The following AMY2B variants were observed in gnomAD, a reference collection of about 807,000 sequenced individuals.
AMY2B encodes the protein alpha-amylase 2B.
Under a neutral mutation model 59.3 loss-of-function variants are expected in AMY2B, and 63 were observed. That is an observed-to-expected ratio of 1.06 (90% CI 0.87 to 1.31). AMY2B has a LOEUF of 1.31. Ranked by LOEUF, AMY2B falls within the 50% of genes most tolerant of loss-of-function variation. The pLI, the probability that AMY2B is intolerant of heterozygous loss-of-function variation, is 0.00. For missense variants in AMY2B, 635 were observed against 626.7 expected (o/e 1.01, Z -0.14); for synonymous variants, 180 against 198.1 (o/e 0.91, Z 0.77).
intron 9 of AMY2B, among the ~76,000 whole-genome samples, chr1:103,578,879 C>T (rs965132621): frequency 2.6e-5 from 4 of 151,246 alleles, no homozygotes; most frequent in African/African-American, 9.7e-5. Context: ...GGAGGGATAG[C>T]ATTGGGAGAT....
chr1:103,556,031 G>A (rs1651536865), intron 1 of AMY2B, among the ~76,000 whole-genome samples: 1 of 152,106 alleles, frequency 6.6e-6, no homozygotes, highest in Non-Finnish European at 1.5e-5. Context: ...GATGTCGGTA[G>A]TTCAGTAAAT....
In AMY2B at chr1:103,555,913, T is replaced by C. The variant is rs530663229; in HGVS notation, c.-207+804T>C. 5.9e-5 allele frequency among the ~76,000 whole-genome samples: 9 copies of C among 152,242 alleles called. No homozygotes were observed. The South Asian group carries it at 1.0e-3, about 18-fold the overall frequency. On this transcript the variant is annotated intron_variant, in intron 1 of 11. Transcript: ENST00000361355. Reference sequence around the variant, plus strand: ...ACATAATGCCGGAAAGAGAGGGATATTGCTGAAGCCATAGACCTGGTATAC... The same window carrying C: ...ACATAATGCCGGAAAGAGAGGGATACTGCTGAAGCCATAGACCTGGTATAC...
chr1:103,573,040 G>A, intron 2 of AMY2B, 23 bp from the exon 3 acceptor site: 4 of 1,612,850 alleles, frequency 2.5e-6, no homozygotes, highest in Non-Finnish European at 3.4e-6. Flanking sequence ...AAGTCACACT[G>A]AAGTAGAAAC....
chr1:103,577,890 C>A, intron 9 of AMY2B, 45 bp downstream of exon 9: 1 of 1,593,090 alleles, frequency 6.3e-7, no homozygotes. Flanking sequence ...CCTGTATGCT[C>A]TTGGTTTATT....
intron 9 of AMY2B, 71 bp from the exon 10 acceptor site, chr1:103,579,240 T>A (rs189705718): frequency 3.7e-6 from 6 of 1,610,434 alleles, no homozygotes; most frequent in East Asian, 4.5e-5. Flanking sequence ...AAAGTTATGC[T>A]GTTTAGTTGT....
chr1:103,576,244 A>G (rs1350456057), intron 7 of AMY2B, among the ~76,000 whole-genome samples: 2 of 152,186 alleles, frequency 1.3e-5, no homozygotes, highest in African/African-American at 4.8e-5. Context: ...TCTAAAGCAG[A>G]AATTCCTCCT....
chr1:103,574,191 A>G, intron 4 of AMY2B, 69 bp from the exon 5 acceptor site: 1 of 1,604,424 alleles, frequency 6.2e-7, no homozygotes, highest in Non-Finnish European at 8.5e-7. Context: ...TTTATATAAT[A>G]TTAACTTATT....
chr1:103,555,105 G>A (rs1443140115), exon 1 of AMY2B: 14 of 151,892 alleles, frequency 9.2e-5, no homozygotes, highest in Admixed American at 2.6e-4. Context: ...CTGGACTATG[G>A]AACTGTGCGT....
intron 1 of AMY2B, among the ~76,000 whole-genome samples, chr1:103,559,780 C>G (rs899536794): frequency 6.6e-6 from 1 of 152,074 alleles, no homozygotes; most frequent in African/African-American, 2.4e-5. Flanking sequence ...AGGCAAAAAT[C>G]AGAGCGATAA....
rs770223638 is a variant in AMY2B at position 103,571,689 on chromosome 1, T to C, written c.87T>C (p.Val29=). 1 of 1,611,850 alleles carries C rather than the reference T, an allele frequency of 6.2e-7. No individual in the cohort carries two copies. Among genetic ancestry groups the C allele is most frequent in the African/African-American group, 1.3e-5 (1 of 74,856 alleles). The part of the protein sequence containing the change: ...PNTQQGRTSI[V]HLFEWRWVDI... ...CACAACAAGGACGGACATCTATTGT[T>C]CATCTGTTTGAATGGCGATGGGTTG... The change falls in exon 1 of 10, where the codon GTT becomes GTC. Residue 29 remains valine, a synonymous_variant. Coordinates refer to ENST00000684275, the MANE Select transcript of AMY2B (RefSeq NM_001387437.1).
chr1:103,563,583 C>G (rs1212782925), intron 1 of AMY2B, among the ~76,000 whole-genome samples: 1 of 152,044 alleles, frequency 6.6e-6, no homozygotes, highest in African/African-American at 2.4e-5. Flanking sequence ...AAATTAAGAT[C>G]AAATGAGAAA....
intron 1 of AMY2B, among the ~76,000 whole-genome samples, chr1:103,557,167 CACACAT>C (rs1323909589): frequency 2.6e-5 from 4 of 152,102 alleles, no homozygotes; most frequent in African/African-American, 7.2e-5. Flanking sequence ...CACACACACA[CACACAT>C]ACATACATAC....
chr1:103,555,477 G>GA (rs1185680060), intron 1 of AMY2B, among the ~76,000 whole-genome samples: 1 of 151,920 alleles, frequency 6.6e-6, no homozygotes, highest in Non-Finnish European at 1.5e-5. Flanking sequence ...GGAAATGGGG[G>GA]TTTATCCCAA....
chr1:103,576,458 A>G (rs1159400342), intron 7 of AMY2B, among the ~76,000 whole-genome samples: 3 of 152,128 alleles, frequency 2.0e-5, no homozygotes, highest in African/African-American at 2.4e-5. Flanking sequence ...TATTTTTTCT[A>G]TCACTATAAC....
At chr1:103,572,740 T>A (rs937851917) in intron 2 of AMY2B, among the ~76,000 whole-genome samples, 1 of 152,162 alleles carries the variant, frequency 6.6e-6, no homozygotes, top group Admixed American at 6.5e-5. Context: ...TGACCGACTG[T>A]AATTTCCAAA....
intron 3 of AMY2B, among the ~76,000 whole-genome samples, 157 bp downstream of exon 3, chr1:103,573,417 A>G (rs1832274): frequency 1.3e-5 from 2 of 152,198 alleles, no homozygotes; most frequent in African/African-American, 4.8e-5. Flanking sequence ...ATCCATATTT[A>G]AAAACTTAAA....
chr1:103,558,649 A>G (rs1651635072), intron 1 of AMY2B, among the ~76,000 whole-genome samples: 3 of 152,122 alleles, frequency 2.0e-5, no homozygotes, highest in East Asian at 1.9e-4. Context: ...TGTAATCCCA[A>G]CAACTTGGGA....
At chr1:103,561,032 CAT>C (rs1651715529) in intron 1 of AMY2B, among the ~76,000 whole-genome samples, 1 of 152,010 alleles carries the variant, frequency 6.6e-6, no homozygotes, top group South Asian at 2.1e-4. Context: ...ATATTTCTAT[CAT>C]GTAGGGTACG....
chr1:103,572,055 C>A (rs1652154956), intron 1 of AMY2B, 55 bp from the exon 2 acceptor site: 1 of 1,607,304 alleles, frequency 6.2e-7, no homozygotes, highest in Non-Finnish European at 8.5e-7. Context: ...GTTTCTAGAA[C>A]ATTCAATGAT....
Sources: allele counts gnomAD v4.1 joint callset (sites outside exome capture counted in the v4.1 genomes callset), GRCh38; gene constraint gnomAD v4.1.1; transcripts MANE v1.5; gene names NCBI Gene and HGNC (gene_info 2026-07-23, HGNC 2026-07-21).